Variants in DISC1 observed in about 807,000 individuals in gnomAD.
DISC1 encodes the protein DISC1 scaffold protein, also known as disrupted in schizophrenia 1 protein.
In DISC1, 57 loss-of-function variants were observed where a neutral mutation model predicts 84.5. That is an observed-to-expected ratio of 0.67 (90% confidence interval 0.55 to 0.84). DISC1 has a LOEUF of 0.84. DISC1 is among the 40% of genes least tolerant of loss of function. The pLI, the probability that DISC1 is intolerant of heterozygous loss-of-function variation, is 0.00. For missense variants in DISC1, 1,000 were observed against 1,057.8 expected, an observed-to-expected ratio of 0.95 and a Z score of 0.76; for synonymous variants, 411 against 415.2, an observed-to-expected ratio of 0.99 and a Z score of 0.12.
At chr1:231,681,361 T>C (rs980857006) in intron 1 of DISC1, among the ~76,000 whole-genome samples, 3 of 151,942 alleles carry the variant, frequency 2.0e-5, no homozygotes, top group Non-Finnish European at 4.4e-5. Context: ...AGAACATAGA[T>C]AGAGTGTCTA....
chr1:231,743,433 C>A (rs1311435936), intron 3 of DISC1, among the ~76,000 whole-genome samples: 1 of 152,112 alleles, frequency 6.6e-6, no homozygotes, highest in Non-Finnish European at 1.5e-5. Flanking sequence ...TTCTCCTAAC[C>A]CCTATGGAAC....
At position 232,021,333 on chromosome 1, in the gene DISC1, TACACACACACAC is replaced by T. The variant is rs36231584; in HGVS notation, c.2308-5072_2308-5061del. On this transcript the variant is annotated intron_variant, in intron 11 of 12. Coordinates refer to ENST00000439617, the MANE Select transcript of DISC1 (RefSeq NM_018662.3). ...GGAAATTTTTACTGTACTTGTTCTA[TACACACACACAC>T]ACACACACACACACACACACACACA... Among the ~76,000 whole-genome samples the T allele has an allele frequency of 6.5e-4, 96 of 148,240 alleles. 1 individual carries two copies. Among genetic ancestry groups the T allele is most frequent in the African/African-American group, 1.4e-3 (58 of 40,320 alleles).
In DISC1 at chr1:231,694,231, C is replaced by G. The variant is rs755437485; in HGVS notation, c.473C>G (p.Ala158Gly). The G allele has an allele frequency of 3.7e-6, 6 of 1,614,096 alleles. No homozygotes were observed. Among genetic ancestry groups the G allele is most frequent in the Non-Finnish European group, 5.1e-6 (6 of 1,180,050 alleles). ...ATGGATAGTTCTGAGACCCTGGACG[C>G]CAGCTGGGAGGCAGCCTGCAGCGAT... ...AAMDSSETLD[A>G]SWEAACSDGA... Residue 158 changes from alanine (A) to glycine (G), a missense_variant, in exon 2 of 13, where the codon GCC becomes GGC. Coordinates refer to ENST00000439617, the MANE Select transcript of DISC1 (RefSeq NM_018662.3).
Position 231,877,121 on chromosome 1 carries a change from G to A in DISC1, c.1981+58604G>A, listed in dbSNP as rs57240145. Reference sequence around the variant, plus strand: ...CAAGTAAAGAACTAAAAATTAGAAGGGGAAGATTTAGTTTAATATAAGGAC... The same window carrying A: ...CAAGTAAAGAACTAAAAATTAGAAGAGGAAGATTTAGTTTAATATAAGGAC... On this transcript the variant is annotated intron_variant, in intron 9 of 12. Coordinates refer to ENST00000439617, the MANE Select transcript of DISC1 (RefSeq NM_018662.3). Among the ~76,000 whole-genome samples the A allele has an allele frequency of 6.2e-3, 947 of 152,330 alleles. 5 individuals are homozygous for A. Among genetic ancestry groups the A allele is most frequent in the African/African-American group, 0.021 (893 of 41,572 alleles).
intron 10 of DISC1, among the ~76,000 whole-genome samples, chr1:231,972,049 G>A (rs114433510): frequency 0.15 from 23,032 of 152,104 alleles, 3,478 homozygotes; most frequent in African/African-American, 0.38. Flanking sequence ...TGCAATGGAG[G>A]CGTTCCACCA....
chr1:232,006,239 G>A (rs184057795), intron 10 of DISC1, among the ~76,000 whole-genome samples: 4 of 152,302 alleles, frequency 2.6e-5, no homozygotes, highest in East Asian at 1.9e-4. Context: ...ACTTGGAACC[G>A]GGTAACAGGC....
chr1:231,721,123 A>G, intron 3 of DISC1: 2 of 1,283,808 alleles, frequency 1.6e-6, no homozygotes, highest in Admixed American at 2.3e-5. Flanking sequence ...TGAGTACAAT[A>G]ACATTAGCTC....
chr1:232,012,967 A>G (rs1454499968), intron 11 of DISC1, among the ~76,000 whole-genome samples: 1 of 152,072 alleles, frequency 6.6e-6, no homozygotes, highest in African/African-American at 2.4e-5. Flanking sequence ...CTCTCCTCCA[A>G]GCCTTTCTGA....
At chr1:231,632,912 A>C (rs2058852177) in intron 1 of DISC1, among the ~76,000 whole-genome samples, 1 of 152,154 alleles carries the variant, frequency 6.6e-6, no homozygotes, top group African/African-American at 2.4e-5. Context: ...CTCTACTTAA[A>C]ATACAAAAAT....
chr1:231,831,744 T>C (rs1043653172), intron 9 of DISC1, among the ~76,000 whole-genome samples: 13 of 152,142 alleles, frequency 8.5e-5, no homozygotes, highest in Non-Finnish European at 1.8e-4. Context: ...TGGTGGTGTA[T>C]GATATGGAAG....
Position 232,040,392 on chromosome 1 carries a change from C to G in DISC1, c.*3561C>G, listed in dbSNP as rs1177856464. 1.3e-5 allele frequency: 2 copies of G among 152,332 alleles called. No homozygotes were observed. Among genetic ancestry groups the G allele is most frequent in the South Asian group, 2.1e-4 (1 of 4,826 alleles). The allele number at this position is 152,332 out of a possible 1,614,324, so 9.4% of individuals were successfully genotyped here. A position where few individuals can be genotyped will look rare whatever the true frequency, so the allele number is the denominator to read the frequency against. ...TGCAGTAAGGCTGGTTTCCCCACCC[C>G]AGAAACATGTAACGGTTGGTACCAT... On this transcript the variant is annotated 3_prime_UTR_variant, in exon 13 of 13. Coordinates refer to ENST00000439617, the MANE Select transcript of DISC1 (RefSeq NM_018662.3).
chr1:231,814,947 A>G (rs1245726840), intron 8 of DISC1: 2 of 114,876 alleles, frequency 1.7e-5, no homozygotes, highest in Admixed American at 7.9e-5. Flanking sequence ...AAATAATAAT[A>G]ATAATAATAA....
rs145946082 is a variant in DISC1 at position 231,776,858 on chromosome 1, C to A, written c.1634+5788C>A. On this transcript the variant is annotated intron_variant, in intron 6 of 12. Transcript: ENST00000439617. ...GGAAAACTGATCCTGAATCTAGGAT[C>A]CTGGTAGAGATTCTCAAAGAGGGTT... Among the ~76,000 whole-genome samples, 22 of 152,232 alleles carry A rather than the reference C, an allele frequency of 1.4e-4. No homozygotes were observed. In the East Asian group the frequency reaches 4.1e-3, roughly 28 times the overall value.
chr1:232,029,428 A>T (rs1669789393), intron 12 of DISC1, among the ~76,000 whole-genome samples: 1 of 152,238 alleles, frequency 6.6e-6, no homozygotes, highest in Admixed American at 6.5e-5. Flanking sequence ...CGTTGTTTCA[A>T]ATTAGAGCTT....
At chr1:231,930,281 G>A (rs2090579008) in intron 9 of DISC1, among the ~76,000 whole-genome samples, 1 of 152,112 alleles carries the variant, frequency 6.6e-6, no homozygotes, top group African/African-American at 2.4e-5. Flanking sequence ...GGACGCACAC[G>A]GAGTTCACAG....
chr1:231,897,700 C>A lies in DISC1; in HGVS notation c.1982-61128C>A, dbSNP rs993308440. 6.6e-6 allele frequency among the ~76,000 whole-genome samples: 1 copy of A among 152,144 alleles called. No individual in the cohort carries two copies. The highest frequency in any genetic ancestry group is 1.5e-5 in the Non-Finnish European group (1 of 68,040). ...TGTGCTGTTGTAGTAACAGGGCCTC[C>A]TGGTGCATTGAAACACCTGGTTTAC... On this transcript the variant is annotated intron_variant, in intron 9 of 12. Transcript: ENST00000439617. This position sits in a 1 kb window ranked among gnomAD's most constrained non-coding sequence, Gnocchi z 4.5.
intron 3 of DISC1, among the ~76,000 whole-genome samples, chr1:231,713,377 G>A (rs1331293504): frequency 8.5e-5 from 13 of 152,078 alleles, no homozygotes; most frequent in South Asian, 2.1e-4. Context: ...AATGATGTCC[G>A]AAGAACTAAA....
At chr1:231,849,048 G>A (rs1464359395) in intron 9 of DISC1, among the ~76,000 whole-genome samples, 2 of 151,838 alleles carry the variant, frequency 1.3e-5, no homozygotes, top group African/African-American at 2.4e-5. Flanking sequence ...TGAACACTTT[G>A]TACCTGCTGA....
chr1:231,914,412 A>G (rs968660463), intron 9 of DISC1, among the ~76,000 whole-genome samples: 6 of 152,206 alleles, frequency 3.9e-5, no homozygotes, highest in African/African-American at 1.4e-4. Flanking sequence ...AAGCTTGGCT[A>G]TGATGGAGAG....
Sources: allele counts gnomAD v4.1 joint callset (sites outside exome capture counted in the v4.1 genomes callset), GRCh38; gene constraint gnomAD v4.1.1; non-coding constraint Gnocchi (gnomAD v3.1); transcripts MANE v1.5; gene names NCBI Gene and HGNC (gene_info 2026-07-23, HGNC 2026-07-21).